Variants in ABCA3 observed in about 807,000 individuals in gnomAD.
ABCA3 encodes ATP binding cassette subfamily A member 3.
Under a neutral mutation model 172.8 loss-of-function variants are expected in ABCA3, and 88 were observed. The observed-to-expected ratio is 0.51, with a 90% CI of 0.43 to 0.61. ABCA3 has a LOEUF of 0.61. Ranked by LOEUF, ABCA3 falls within the 20% of genes least tolerant of loss-of-function variation. The probability of loss-of-function intolerance (pLI) is 0.00; values close to 1 mark genes in which losing one functional copy is unlikely to be tolerated. For missense variants in ABCA3, 2,164 were observed against 2,301.0 expected, an observed-to-expected ratio of 0.94 and a Z score of 1.22; for synonymous variants, 1,066 against 983.8, an observed-to-expected ratio of 1.08 and a Z score of -1.56.
At chr16:2,327,012 C>A (rs923759786) in intron 3 of ABCA3, among the ~76,000 whole-genome samples, 7 of 152,000 alleles carry the variant, frequency 4.6e-5, no homozygotes, top group African/African-American at 1.7e-4. Context: ...ACCAAAAAAA[C>A]CCAAAGAGCA....
At chr16:2,333,948 A>G (rs1259348232) in intron 1 of ABCA3, among the ~76,000 whole-genome samples, 1 of 152,094 alleles carries the variant, frequency 6.6e-6, no homozygotes, top group Non-Finnish European at 1.5e-5. Flanking sequence ...TCAGCCTCCC[A>G]AAGTGCATGC....
intron 10 of ABCA3, 125 bp from the exon 11 acceptor site, chr16:2,308,748 C>G (rs1447723735): frequency 9.1e-7 from 1 of 1,099,992 alleles, no homozygotes; most frequent in African/African-American, 1.6e-5. Flanking sequence ...CTGGCACTTG[C>G]CATCTACACG....
intron 1 of ABCA3, among the ~76,000 whole-genome samples, chr16:2,339,656 C>T (rs2093757373): frequency 6.6e-6 from 1 of 152,234 alleles, no homozygotes; most frequent in East Asian, 1.9e-4. Context: ...GCTACTCACT[C>T]AGCGGGCATT....
At position 2,323,543 on chromosome 16, in the gene ABCA3, G is replaced by T. The variant is rs1318558149; in HGVS notation, c.593C>A (p.Ser198Tyr). 6.2e-6 allele frequency: 10 copies of T among 1,614,194 alleles called. No individual in the cohort carries two copies. Among genetic ancestry groups the T allele is most frequent in the Non-Finnish European group, 8.5e-6 (10 of 1,180,024 alleles). ...FPNPGPREPT[S>Y]PDGGEPGYIR... is the part of the protein sequence containing the mutation. ...CTCACCAGGTTCTCCGCCATCAGGG[G>T]ATGTAGGTTCCCTTGGTCCTGGGTT... Residue 198 changes from serine (S) to tyrosine (Y), a missense_variant, in exon 7 of 33, where the codon TCC (serine) becomes TAC (tyrosine). Physicochemically the swap from Ser to Tyr is moderately radical, Grantham distance 144. Transcript: ENST00000301732.
Position 2,317,363 on chromosome 16 carries a change from G to A in ABCA3, c.1031C>T (p.Ser344Phe). ...GCACAGCAGGAAGGCGAGCACCAGGGAGGGGTCGCTGCGGGACAGCACGGC... is the reference window on the plus strand; with the variant it reads ...GCACAGCAGGAAGGCGAGCACCAGGAAGGGGTCGCTGCGGGACAGCACGGC... Reference protein sequence around the residue: ...NVAVLSRSDPSLVLAFLLCFA... With the variant: ...NVAVLSRSDPFLVLAFLLCFA... The change falls in exon 10 of 33, where the codon TCC becomes TTC. Residue 344 changes from serine (S) to phenylalanine (F), a missense_variant. Transcript: ENST00000301732. 2 of 1,614,088 alleles carry A rather than the reference G, an allele frequency of 1.2e-6. No homozygotes were observed. Among genetic ancestry groups the A allele is most frequent in the East Asian group, 2.2e-5 (1 of 44,876 alleles).
At chr16:2,307,071 A>C (rs323030) in intron 11 of ABCA3, among the ~76,000 whole-genome samples, 1 of 148,910 alleles carries the variant, frequency 6.7e-6, no homozygotes, top group East Asian at 2.0e-4. Context: ...AGTCGTGATG[A>C]TGCCATTGCA....
At position 2,279,456 on chromosome 16, in the gene ABCA3, C is replaced by G. The variant is rs2093651805; in HGVS notation, c.4360-326G>C. ...AGAAGCAGACTCAGAGCTGGCTACC[C>G]ACTCATTCACACCTGGGACATCTGA... On this transcript the variant is annotated intron_variant, in intron 28 of 32. Transcript: ENST00000301732. The surrounding 1 kb of genome is among the most constrained non-coding windows in gnomAD (Gnocchi z 4.4). Among the ~76,000 whole-genome samples the G allele has an allele frequency of 6.6e-6, 1 of 152,200 alleles. No homozygotes were observed. The highest frequency in any genetic ancestry group is 6.5e-5 in the Admixed American group (1 of 15,278).
In ABCA3 at chr16:2,317,754, C is replaced by T. The variant is rs747005353; in HGVS notation, c.884G>A (p.Arg295His). Residue 295 changes from arginine to histidine, a missense_variant, in exon 9 of 33, where the codon CGC becomes CAC. Physicochemically the swap from Arg to His is conservative, Grantham distance 29. Transcript: ENST00000301732. ...EKERRLKEYMRMMGLSSWLHW... is the reference protein window; with the variant it reads ...EKERRLKEYMHMMGLSSWLHW... ...CAGCCAGCTGCTGAGCCCCATCATG[C>T]GCATGTACTCCTGGGGAGAGAAGCC... 14 of 1,614,054 alleles carry T rather than the reference C, an allele frequency of 8.7e-6. No individual in the cohort carries two copies. Among genetic ancestry groups the T allele is most frequent in the South Asian group, 3.3e-5 (3 of 91,094 alleles).
rs747243881 is a variant in ABCA3, at chr16:2,281,492, C to T, written c.4053G>A (p.Arg1351=). The T allele has an allele frequency of 1.3e-6, 2 of 1,598,860 alleles. No homozygotes were observed. Among genetic ancestry groups the T allele is most frequent in the South Asian group, 1.1e-5 (1 of 90,896 alleles). ...RRRTLTELYT[R]MPVLPEDQDV... ...CTTGGTCCTCAGGAAGCACAGGCAT[C>T]CGGGTGTATAATTCTGTCTGATTGA... Residue 1351 remains arginine (R), a synonymous_variant, in exon 27 of 33, where the codon CGG becomes CGA. Coordinates refer to ENST00000301732, the MANE Select transcript of ABCA3 (RefSeq NM_001089.3). The surrounding 1 kb of genome is among the most constrained non-coding windows in gnomAD (Gnocchi z 4.7).
Position 2,279,786 on chromosome 16 carries a change from T to TA in ABCA3, c.4360-657dup, listed in dbSNP as rs2093652320. ...AGACAGAGTCTTACTCTGTCTCCCT[T>TA]ACACTGGTAGAGCGCAGTGGCATGA... On this transcript the variant is annotated intron_variant, in intron 28 of 32. Coordinates refer to ENST00000301732, the MANE Select transcript of ABCA3 (RefSeq NM_001089.3). The surrounding 1 kb of genome is among the most constrained non-coding windows in gnomAD (Gnocchi z 4.4). Among the ~76,000 whole-genome samples, 1 of 151,730 alleles carries TA rather than the reference T, an allele frequency of 6.6e-6. No homozygotes were observed. Among genetic ancestry groups the TA allele is most frequent in the Non-Finnish European group, 1.5e-5 (1 of 67,890 alleles).
In ABCA3 at chr16:2,298,476, A is replaced by T; in HGVS notation, c.1806T>A (p.Val602=). ...ACAGGCCCAGGCTCTTCCGGATCTG[A>T]ACCATGTCCTGGGAAATTTCATACC... is the stretch of plus-strand genomic sequence containing the variant. ...ISGYEISQDM[V]QIRKSLGLCP... Residue 602 remains valine, a synonymous_variant, in exon 15 of 33, where the codon GTT becomes GTA. Coordinates refer to ENST00000301732, the MANE Select transcript of ABCA3 (RefSeq NM_001089.3). 1.9e-6 allele frequency: 3 copies of T among 1,614,074 alleles called. No homozygotes were observed. The highest frequency in any genetic ancestry group is 2.5e-6 in the Non-Finnish European group (3 of 1,180,034).
At position 2,340,595 on chromosome 16, in the gene ABCA3, G is replaced by T. The variant is rs45456893; in HGVS notation, c.-561C>A. The T allele has an allele frequency of 0.1, 15,601 of 148,706 alleles. 1,075 individuals are homozygous for T. Among genetic ancestry groups the T allele is most frequent in the Admixed American group, 0.17 (2,561 of 14,958 alleles). The allele number at this position is 148,706 out of a possible 1,614,324, so 9.2% of individuals were successfully genotyped here. Reference sequence around the variant, plus strand: ...CACCGAGCCTGGGCGCCGGGGCGGCGGCGGCCGGCGCGCGGCCCTCTCGCG... The same window carrying T: ...CACCGAGCCTGGGCGCCGGGGCGGCTGCGGCCGGCGCGCGGCCCTCTCGCG... On this transcript the variant is annotated 5_prime_UTR_variant, in exon 1 of 33. Coordinates refer to ENST00000301732, the MANE Select transcript of ABCA3 (RefSeq NM_001089.3).
At chr16:2,292,848 G>C (rs960457515) in intron 18 of ABCA3, among the ~76,000 whole-genome samples, 30 of 151,682 alleles carry the variant, frequency 2.0e-4, no homozygotes, top group Admixed American at 2.0e-3. Context: ...CCAGCTACTC[G>C]GGAGGCTGAG....
intron 18 of ABCA3, 143 bp downstream of exon 18, chr16:2,295,447 G>C: frequency 7.9e-7 from 1 of 1,268,524 alleles, no homozygotes; most frequent in South Asian, 1.2e-5. Flanking sequence ...CTGGGCTGAT[G>C]GTGCCCAGGC....
At chr16:2,307,217 A>T (rs541909090) in intron 11 of ABCA3, among the ~76,000 whole-genome samples, 4 of 152,038 alleles carry the variant, frequency 2.6e-5, no homozygotes, top group Non-Finnish European at 4.4e-5. Context: ...GGCACTGGGA[A>T]GATGCTAATT....
intron 10 of ABCA3, among the ~76,000 whole-genome samples, chr16:2,309,318 A>G (rs1196589939): frequency 2.6e-5 from 4 of 152,134 alleles, no homozygotes; most frequent in Non-Finnish European, 4.4e-5. Context: ...TCAGATACGC[A>G]CTGAGCACCT....
In ABCA3 at chr16:2,297,420, G is replaced by C. The variant is rs200855390; in HGVS notation, c.2172C>G (p.Asp724Glu). Residue 724 changes from aspartate to glutamate, a missense_variant, in exon 17 of 33, where the codon GAC becomes GAG. Physicochemically the swap from Asp to Glu is conservative, Grantham distance 45 (BLOSUM62 2). This residue lies in a region of ABCA3 where 1,343 missense variants were observed against 1,369.6 expected (regional missense o/e 0.98). Transcript: ENST00000301732. This position sits in a 1 kb window ranked among gnomAD's most constrained non-coding sequence, Gnocchi z 5.6. ...RTIVLTTHFM[D>E]EADLLGDRIA... Reference sequence around the variant, plus strand: ...TGCGGTCTCCCAGCAGGTCAGCCTCGTCCATGAAGTGGGTGGTCAGCACGA... The same window carrying C: ...TGCGGTCTCCCAGCAGGTCAGCCTCCTCCATGAAGTGGGTGGTCAGCACGA... The C allele has an allele frequency of 6.1e-5, 99 of 1,613,596 alleles. No individual in the cohort carries two copies. Among genetic ancestry groups the C allele is most frequent in the Non-Finnish European group, 5.9e-6 (7 of 1,180,006 alleles).
intron 7 of ABCA3, among the ~76,000 whole-genome samples, chr16:2,321,829 A>T (rs2093726512): frequency 6.6e-6 from 1 of 152,178 alleles, no homozygotes; most frequent in African/African-American, 2.4e-5. Context: ...AAATGCCAGT[A>T]AGTCTGTACA....
In ABCA3 at chr16:2,279,174, A is replaced by G. The variant is rs1726712473; in HGVS notation, c.4360-44T>C. Reference sequence around the variant, plus strand: ...CGGGGAGGGAGGCGGGTTGGAGGGAAGCCTCCTTCCTCCAGAGGACCACGG... The same window carrying G: ...CGGGGAGGGAGGCGGGTTGGAGGGAGGCCTCCTTCCTCCAGAGGACCACGG... On this transcript the variant is annotated intron_variant, in intron 28 of 32. Transcript: ENST00000301732. The surrounding 1 kb of genome is among the most constrained non-coding windows in gnomAD (Gnocchi z 4.4). 6.3e-7 allele frequency: 1 copy of G among 1,599,120 alleles called. No individual in the cohort carries two copies. Among genetic ancestry groups the G allele is most frequent in the South Asian group, 1.1e-5 (1 of 90,846 alleles).
Sources: allele counts gnomAD v4.1 joint callset (sites outside exome capture counted in the v4.1 genomes callset), GRCh38; gene constraint gnomAD v4.1.1; regional missense constraint gnomAD v4.1.1; non-coding constraint Gnocchi (gnomAD v3.1); transcripts MANE v1.5; gene names NCBI Gene and HGNC (gene_info 2026-07-23, HGNC 2026-07-21).